The following ATM variants were observed in gnomAD, a reference collection of about 807,000 sequenced individuals.
ATM encodes ATM serine/threonine kinase.
Under a neutral mutation model 387.0 loss-of-function variants are expected in ATM, and 308 were observed. The observed-to-expected ratio is 0.80, with a 90% CI of 0.73 to 0.87. The LOEUF (loss-of-function observed/expected upper bound fraction) is 0.87. Among genes scored for constraint, ATM ranks in the 40% least tolerant of loss-of-function variants. The probability of loss-of-function intolerance (pLI) is 0.00; values close to 1 mark genes in which losing one functional copy is unlikely to be tolerated. For synonymous variants in ATM, 1,156 were observed against 1,187.3 expected (o/e 0.97, Z 0.54); for missense variants, 3,312 against 3,560.9 (o/e 0.93, Z 1.78).
intron 14 of ATM, 152 bp from the exon 15 acceptor site, chr11:108,257,329 C>G: frequency 1.1e-6 from 1 of 921,668 alleles, no homozygotes. Flanking sequence ...TACTGTATGA[C>G]TACGTGGAAC....
Position 108,309,884 on chromosome 11 carries a change from T to C in ATM, c.5763-276T>C, listed in dbSNP as rs1203050612. Among the ~76,000 whole-genome samples, 4 of 152,168 alleles carry C rather than the reference T, an allele frequency of 2.6e-5. No homozygotes were observed. In the East Asian group the frequency reaches 7.7e-4, roughly 29 times the overall value. On this transcript the variant is annotated intron_variant, in intron 38 of 62. Transcript: ENST00000675843. ...TGGATTTCTTGGTAGAGAGCAGATA[T>C]GAACCCCAATTTTGTATCAGGTGAT... is the stretch of plus-strand genomic sequence containing the variant.
In ATM at chr11:108,302,894, AG is replaced by A; in HGVS notation, c.5363del (p.Gly1788AlafsTer5). 1 of 1,613,224 alleles carries A rather than the reference AG, an allele frequency of 6.2e-7. No individual in the cohort carries two copies. The highest frequency in any genetic ancestry group is 8.5e-7 in the Non-Finnish European group (1 of 1,179,362). Reference sequence around the variant, plus strand: ...GATTTGACAAAGAAAACCCTTTTGAAGGCCTGGATGATATAAATCTGTGGAT... The same window carrying A: ...GATTTGACAAAGAAAACCCTTTTGAAGCCTGGATGATATAAATCTGTGGAT... ...PRFDKENPFE[G>X]LDDINLWIPL... On this transcript the variant is annotated frameshift_variant, in exon 36 of 63. Transcript: ENST00000675843. LOFTEE classifies it high-confidence loss of function.
chr11:108,359,855 A>G (rs1199978342), intron 61 of ATM, among the ~76,000 whole-genome samples: 1 of 152,210 alleles, frequency 6.6e-6, no homozygotes, highest in African/African-American at 2.4e-5. Flanking sequence ...GAAAGATCCA[A>G]AACTGACACC....
In ATM at chr11:108,320,078, T is replaced by TTA. The variant is rs756886791; in HGVS notation, c.6452+21_6452+22dup. 10 of 1,506,110 alleles carry TTA rather than the reference T, an allele frequency of 6.6e-6. No individual in the cohort carries two copies. Among genetic ancestry groups the TTA allele is most frequent in the African/African-American group, 2.8e-5 (2 of 72,474 alleles). The allele number at this position is 1,506,110 out of a possible 1,614,324, so 93.3% of individuals were successfully genotyped here. On this transcript the variant is annotated intron_variant, in intron 44 of 62. Coordinates refer to ENST00000675843, the MANE Select transcript of ATM (RefSeq NM_000051.4). ...TGCCAGGTATTATGAAAAGACAAAG[T>TTA]TACTGTATTTTAACATTTAATGTCA...
At chr11:108,317,311 T>C (rs2136158665) in intron 42 of ATM, 62 bp from the exon 43 acceptor site, 6 of 1,538,534 alleles carry the variant, frequency 3.9e-6, no homozygotes, top group South Asian at 1.1e-5. Context: ...GCTGTTTTTT[T>C]CTCTGGTTTT....
In ATM at chr11:108,320,069, A is replaced by C. The variant is rs774951815; in HGVS notation, c.6452+11A>C. 6.5e-7 allele frequency: 1 copy of C among 1,548,808 alleles called. No individual in the cohort carries two copies. Among genetic ancestry groups the C allele is most frequent in the African/African-American group, 1.4e-5 (1 of 73,528 alleles). ...TCTCAAATATGCCAGGTATTATGAA[A>C]AGACAAAGTTACTGTATTTTAACAT... On this transcript the variant is annotated intron_variant, in intron 44 of 62. Coordinates refer to ENST00000675843, the MANE Select transcript of ATM (RefSeq NM_000051.4).
intron 61 of ATM, among the ~76,000 whole-genome samples, chr11:108,358,519 G>GA (rs2090317150): frequency 6.9e-6 from 1 of 145,046 alleles, no homozygotes; most frequent in Non-Finnish European, 1.5e-5. Context: ...TGAAATGAAG[G>GA]AAAAAATGTT....
chr11:108,257,942 C>T (rs747764887), intron 15 of ATM, among the ~76,000 whole-genome samples: 3 of 152,080 alleles, frequency 2.0e-5, no homozygotes, highest in Non-Finnish European at 2.9e-5. Flanking sequence ...CACATCACTG[C>T]GATCCAGCAG....
chr11:108,263,182 A>G lies in ATM; in HGVS notation c.2467-3989A>G, dbSNP rs1313856491. ...TCCACCCCAAATCAACAGAATATACATTTTTTTCAGCACCACACCACACCT... is the reference window on the plus strand; with the variant it reads ...TCCACCCCAAATCAACAGAATATACGTTTTTTTCAGCACCACACCACACCT... On this transcript the variant is annotated intron_variant, in intron 16 of 62. Transcript: ENST00000675843. 9.1e-5 allele frequency among the ~76,000 whole-genome samples: 13 copies of G among 143,044 alleles called. No individual in the cohort carries two copies. In the East Asian group the frequency reaches 2.5e-3, roughly 27 times the overall value. The allele number at this position is 143,044 out of a possible 152,430, so 93.8% of individuals were successfully genotyped here. A position where few individuals can be genotyped will look rare whatever the true frequency, so the allele number is the denominator to read the frequency against.
chr11:108,298,083 C>T (rs1409333712), intron 33 of ATM, among the ~76,000 whole-genome samples: 1 of 152,116 alleles, frequency 6.6e-6, no homozygotes, highest in Non-Finnish European at 1.5e-5. Flanking sequence ...AAAAACCATT[C>T]AAGTCCTTTC....
Position 108,271,146 on chromosome 11 carries a change from C to G in ATM, c.2921C>G (p.Ser974Cys), listed in dbSNP as rs538105098. Residue 974 changes from serine to cysteine, a missense_variant and splice_region_variant, in exon 19 of 63, where the codon TCC (serine) becomes TGC (cysteine). Transcript: ENST00000675843. ...GTTCTTGAACTTCTGAAACCACTAT[C>G]GTAAGAAATTAAAACCTTATGTTAT... ...EDVLELLKPL[S>C]NVCSLYRRDQ... 3 of 1,613,450 alleles carry G rather than the reference C, an allele frequency of 1.9e-6. No homozygotes were observed. Among genetic ancestry groups the G allele is most frequent in the Middle Eastern group, 1.6e-4 (1 of 6,084 alleles).
rs1322364053 is a variant in ATM, at chr11:108,277,590, CCCCTCACAGCATAGT to C, written c.3285-1893_3285-1879del. ...GAATCCACCATTCCTCACAGCATAG[CCCCTCACAGCATAGT>C]CCCTCACGGCTTCCCTTGGCTAGGG... On this transcript the variant is annotated intron_variant, in intron 22 of 62. Coordinates refer to ENST00000675843, the MANE Select transcript of ATM (RefSeq NM_000051.4). 6.6e-5 allele frequency among the ~76,000 whole-genome samples: 10 copies of C among 152,234 alleles called. No homozygotes were observed. In the East Asian group the frequency reaches 9.7e-4, roughly 15 times the overall value.
chr11:108,341,518 ACGC>A (rs1269060399), intron 56 of ATM, among the ~76,000 whole-genome samples: 1 of 152,106 alleles, frequency 6.6e-6, no homozygotes, highest in African/African-American at 2.4e-5. Flanking sequence ...AACATGTAAT[ACGC>A]CCCCAACAAA....
chr11:108,246,720 G>T (rs1242391703), intron 7 of ATM, among the ~76,000 whole-genome samples: 1 of 152,196 alleles, frequency 6.6e-6, no homozygotes, highest in Non-Finnish European at 1.5e-5. Context: ...ATTGGAGAAA[G>T]ACAGATTTTA....
At position 108,245,027 on chromosome 11, in the gene ATM, G is replaced by T. The variant is rs748840480; in HGVS notation, c.901+1G>T. On this transcript the variant is annotated splice_donor_variant, in intron 7 of 62. Transcript: ENST00000675843. LOFTEE classifies it high-confidence loss of function. ...AAAGGAGCCAAAACCCAAGAAAAAGGTATAAAGGAAATGTTTACTGTTTTG... is the reference window on the plus strand; with the variant it reads ...AAAGGAGCCAAAACCCAAGAAAAAGTTATAAAGGAAATGTTTACTGTTTTG... 2 of 1,597,124 alleles carry T rather than the reference G, an allele frequency of 1.3e-6. No homozygotes were observed. Among genetic ancestry groups the T allele is most frequent in the African/African-American group, 1.3e-5 (1 of 74,624 alleles).
rs1467809725 is a variant in ATM at position 108,331,473 on chromosome 11, A to G, written c.7545A>G (p.Lys2515=). Residue 2515 remains lysine (K), a synonymous_variant, in exon 51 of 63, where the codon AAA becomes AAG. Transcript: ENST00000675843. ...KRDGMKIPTY[K]FLPLMYQLAA... is the part of the protein sequence containing the mutation. ...ACGGAATGAAGATTCCAACATATAA[A>G]TTTTTGCCTCTTATGTACCAATTGG... 1.9e-6 allele frequency: 3 copies of G among 1,613,426 alleles called. No homozygotes were observed. In the East Asian group the frequency reaches 6.7e-5, roughly 36 times the overall value.
chr11:108,244,710 A>C, intron 6 of ATM, 78 bp from the exon 7 acceptor site: 9 of 1,111,670 alleles, frequency 8.1e-6, no homozygotes, highest in South Asian at 1.3e-5. Context: ...TTCTTTCAGC[A>C]TACCACTTCA....
chr11:108,299,656 C>G (rs2083311589), intron 33 of ATM, 58 bp from the exon 34 acceptor site: 1 of 1,540,846 alleles, frequency 6.5e-7, no homozygotes, highest in South Asian at 1.1e-5. Context: ...TAGAAAATTT[C>G]AGTTTTATGT....
chr11:108,267,243 A>G lies in ATM; in HGVS notation c.2539A>G (p.Met847Val), dbSNP rs587779823. The G allele has an allele frequency of 1.2e-6, 2 of 1,614,098 alleles. No homozygotes were observed. The highest frequency in any genetic ancestry group is 1.1e-5 in the South Asian group (1 of 91,080). ...SMEDDTNGNLMEVEDQSSMNL... is the reference protein window; with the variant it reads ...SMEDDTNGNLVEVEDQSSMNL... ...GGAAGATGATACTAATGGAAATCTA[A>G]TGGAGGTGGAGGATCAGTCATCCAT... Residue 847 changes from methionine to valine, a missense_variant, in exon 17 of 63, where the codon ATG (methionine) becomes GTG (valine). Around this residue, in one of 4 missense-constraint regions of ATM, gnomAD observed 1,791 missense variants for 1,804.5 expected, o/e 0.99. Coordinates refer to ENST00000675843, the MANE Select transcript of ATM (RefSeq NM_000051.4).
Sources: allele counts gnomAD v4.1 joint callset (sites outside exome capture counted in the v4.1 genomes callset), GRCh38; gene constraint gnomAD v4.1.1; regional missense constraint gnomAD v4.1.1; transcripts MANE v1.5; gene names NCBI Gene and HGNC (gene_info 2026-07-23, HGNC 2026-07-21).